Variants in ROBO2 observed in about 807,000 individuals in gnomAD.
The protein encoded by ROBO2 is roundabout guidance receptor 2, also known as roundabout homolog 2.
Under a neutral mutation model 160.8 loss-of-function variants are expected in ROBO2, and 53 were observed. The ratio of observed to expected loss-of-function variants is 0.33; its 90% CI spans 0.26 to 0.41. The LOEUF is 0.41. Among genes scored for constraint, ROBO2 ranks in the 10% least tolerant of loss-of-function variants. The pLI is 1.00. For missense variants in ROBO2, 1,577 were observed against 1,722.4 expected (o/e 0.92, Z 1.49); for synonymous variants, 664 against 611.7 (o/e 1.09, Z -1.26).
At chr3:77,295,201 T>A (rs1295193142) in intron 2 of ROBO2, among the ~76,000 whole-genome samples, 2 of 148,616 alleles carry the variant, frequency 1.3e-5, no homozygotes, top group African/African-American at 2.6e-5. Flanking sequence ...TAAAGTAAAA[T>A]TGACGATTAA....
chr3:77,501,712 GA>G (rs562750326), intron 5 of ROBO2, among the ~76,000 whole-genome samples: 3 of 150,650 alleles, frequency 2.0e-5, no homozygotes, highest in Non-Finnish European at 1.5e-5. Context: ...TTCAATAGAA[GA>G]AAAAAAGAAA....
intron 2 of ROBO2, among the ~76,000 whole-genome samples, chr3:77,427,287 T>C (rs1395192635): frequency 6.6e-6 from 1 of 152,216 alleles, no homozygotes; most frequent in Non-Finnish European, 1.5e-5. Context: ...GAATTAATAA[T>C]TGCTAATCTA....
chr3:77,247,045 G>T (rs909690354), intron 2 of ROBO2, among the ~76,000 whole-genome samples: 4 of 152,076 alleles, frequency 2.6e-5, no homozygotes, highest in Admixed American at 6.5e-5. Context: ...AAAAATATGG[G>T]TCAACTTTTA....
Position 76,515,488 on chromosome 3 carries a change from G to A in ROBO2, c.109+577886G>A, listed in dbSNP as rs187051838. Reference sequence around the variant, plus strand: ...TGGAACTTATCATTATTTCTTACACGCCTGCAAGGTATTTTTTTTTTTTGT... The same window carrying A: ...TGGAACTTATCATTATTTCTTACACACCTGCAAGGTATTTTTTTTTTTTGT... On this transcript the variant is annotated intron_variant, in intron 2 of 26. Coordinates refer to the ROBO2 transcript ENST00000487694. Among the ~76,000 whole-genome samples, 78 of 146,200 alleles carry A rather than the reference G, an allele frequency of 5.3e-4. 1 individual carries two copies. The Middle Eastern group carries it at 0.018, about 33-fold the overall frequency.
intron 2 of ROBO2, among the ~76,000 whole-genome samples, chr3:76,167,967 G>T (rs2072900564): frequency 6.6e-6 from 1 of 152,196 alleles, no homozygotes; most frequent in African/African-American, 2.4e-5. Flanking sequence ...GGAAGCGCTG[G>T]TAGTGGCTGT....
chr3:77,459,443 G>C (rs1259230406), intron 2 of ROBO2, among the ~76,000 whole-genome samples: 1 of 152,182 alleles, frequency 6.6e-6, no homozygotes, highest in Non-Finnish European at 1.5e-5. Context: ...CGCACCTACT[G>C]TGTGCTAAGG....
intron 2 of ROBO2, among the ~76,000 whole-genome samples, chr3:76,846,023 A>T (rs1039552254): frequency 3.3e-5 from 5 of 152,106 alleles, no homozygotes; most frequent in Non-Finnish European, 7.4e-5. Flanking sequence ...AATACAACTC[A>T]TTCAATAATA....
chr3:77,322,970 ATT>A, intron 2 of ROBO2, among the ~76,000 whole-genome samples: 6 of 652 alleles, frequency 9.2e-3, no homozygotes, highest in Non-Finnish European at 0.076. Flanking sequence ...AATATAATAT[ATT>A]ATATTATATT....
intron 1 of ROBO2, among the ~76,000 whole-genome samples, chr3:75,910,898 T>C (rs1163859639): frequency 6.6e-6 from 1 of 151,974 alleles, no homozygotes; most frequent in Non-Finnish European, 1.5e-5. Flanking sequence ...ACTATGTTTT[T>C]AAATGTATTA....
At chr3:77,461,142 T>A (rs929940598) in intron 2 of ROBO2, among the ~76,000 whole-genome samples, 2 of 152,292 alleles carry the variant, frequency 1.3e-5, no homozygotes, top group African/African-American at 4.8e-5. Flanking sequence ...TTTTAGAACC[T>A]GCAATTTAAT....
intron 2 of ROBO2, among the ~76,000 whole-genome samples, chr3:77,198,501 G>A (rs187306319): frequency 9.8e-5 from 15 of 152,312 alleles, no homozygotes; most frequent in African/African-American, 3.6e-4. Flanking sequence ...GAGGTTAGAA[G>A]GTCATTGTGG....
chr3:77,070,986 G>A (rs906766295), intron 1 of ROBO2, among the ~76,000 whole-genome samples: 4 of 151,992 alleles, frequency 2.6e-5, no homozygotes, highest in Admixed American at 2.0e-4. Flanking sequence ...CTTACAGACC[G>A]GGGAAAAGTC....
chr3:76,716,296 A>G (rs938857287), intron 2 of ROBO2, among the ~76,000 whole-genome samples: 2 of 152,194 alleles, frequency 1.3e-5, no homozygotes, highest in Admixed American at 1.3e-4. Context: ...TAACTACAAT[A>G]AAACTGGCAT....
intron 2 of ROBO2, among the ~76,000 whole-genome samples, chr3:77,267,326 G>A (rs1027451252): frequency 6.6e-6 from 1 of 152,156 alleles, no homozygotes; most frequent in Non-Finnish European, 1.5e-5. Context: ...AAGTACAATA[G>A]TCCAGAAAGT....
At chr3:76,650,543 A>C (rs185178942) in intron 2 of ROBO2, among the ~76,000 whole-genome samples, 38 of 151,256 alleles carry the variant, frequency 2.5e-4, no homozygotes, top group Admixed American at 2.3e-3. Context: ...ATTCTTACTG[A>C]AGTGATTCTA....
chr3:77,069,170 C>T (rs534811904), intron 1 of ROBO2, among the ~76,000 whole-genome samples: 46 of 152,012 alleles, frequency 3.0e-4, no homozygotes, highest in Non-Finnish European at 5.9e-4. Context: ...AAGGGCACTA[C>T]GTGTGCTTAA....
intron 2 of ROBO2, among the ~76,000 whole-genome samples, chr3:76,341,285 T>G (rs1037349157): frequency 6.7e-6 from 1 of 150,302 alleles, no homozygotes; most frequent in African/African-American, 2.5e-5. Context: ...TACAGGTTCC[T>G]TGGTCTCTTT....
chr3:76,572,539 A>G (rs1374461952), intron 2 of ROBO2, among the ~76,000 whole-genome samples: 1 of 152,188 alleles, frequency 6.6e-6, no homozygotes, highest in Admixed American at 6.5e-5. Context: ...GTGTGCTCAA[A>G]CAATGCATAA....
intron 2 of ROBO2, among the ~76,000 whole-genome samples, chr3:76,736,729 G>T (rs943105852): frequency 6.6e-6 from 1 of 152,096 alleles, no homozygotes; most frequent in African/African-American, 2.4e-5. Context: ...ATTACCTAAA[G>T]GTATGATCTA....
Sources: gnomAD v4.1 joint callset for allele counts (sites outside exome capture counted in the v4.1 genomes callset) on GRCh38, gnomAD v4.1.1 for gene constraint, MANE v1.5 for transcripts, NCBI Gene and HGNC (gene_info 2026-07-23, HGNC 2026-07-21) for gene names.